MEGF11: variants seen among roughly 807,000 people sequenced by gnomAD.
The protein encoded by MEGF11 is multiple epidermal growth factor-like domains protein 11.
Under a neutral mutation model 146.6 loss-of-function variants are expected in MEGF11, and 126 were observed. That is an observed-to-expected ratio of 0.86 (90% CI 0.74 to 1.00). The LOEUF is 1.00. Among genes scored for constraint, MEGF11 ranks in the 50% least tolerant of loss-of-function variants. MEGF11 has a pLI of 0.00. For synonymous variants in MEGF11, 532 were observed against 583.4 expected (o/e 0.91, Z 1.27); for missense variants, 1,509 against 1,521.2 (o/e 0.99, Z 0.13).
intron 8 of MEGF11, among the ~76,000 whole-genome samples, chr15:65,966,362 G>A (rs1157780212): frequency 1.3e-5 from 2 of 152,202 alleles, no homozygotes. Context: ...TTAATTGCCA[G>A]TGTTTTTCAT....
chr15:65,931,928 C>T (rs1407480341), intron 10 of MEGF11, among the ~76,000 whole-genome samples: 2 of 152,194 alleles, frequency 1.3e-5, no homozygotes, highest in Non-Finnish European at 2.9e-5. Context: ...CTTAACTCTG[C>T]CAAGGTCACA....
chr15:65,941,125 G>A (rs936116979), intron 10 of MEGF11, among the ~76,000 whole-genome samples: 5 of 152,194 alleles, frequency 3.3e-5, no homozygotes, highest in African/African-American at 9.7e-5. Flanking sequence ...AAACATTTCA[G>A]AGAGATCTGG....
intron 8 of MEGF11, 131 bp from the exon 9 acceptor site, chr15:65,965,251 T>TC: frequency 1.5e-6 from 1 of 649,396 alleles, no homozygotes. Context: ...CACAGCCTCC[T>TC]CCCCTTTTCT....
intron 1 of MEGF11, among the ~76,000 whole-genome samples, chr15:66,186,271 A>G (rs971746702): frequency 2.6e-5 from 4 of 152,140 alleles, no homozygotes; most frequent in African/African-American, 9.7e-5. Context: ...GTGGCCCAGG[A>G]GGCTAGAGTT....
chr15:66,183,824 C>T (rs951280908), intron 1 of MEGF11, among the ~76,000 whole-genome samples: 4 of 152,110 alleles, frequency 2.6e-5, no homozygotes, highest in South Asian at 2.1e-4. Context: ...GATGCAGATG[C>T]CGCAGTCCCA....
intron 1 of MEGF11, among the ~76,000 whole-genome samples, chr15:66,248,849 G>A (rs1027174499): frequency 2.0e-5 from 3 of 152,212 alleles, no homozygotes; most frequent in East Asian, 1.9e-4. Flanking sequence ...GAACAGACAT[G>A]TTAAGCCTGC....
At chr15:65,984,170 A>G (rs2081761970) in intron 5 of MEGF11, among the ~76,000 whole-genome samples, 1 of 152,180 alleles carries the variant, frequency 6.6e-6, no homozygotes, top group Non-Finnish European at 1.5e-5. Context: ...TCCACCTGCT[A>G]TTACAGTGAG....
chr15:65,913,927 T>G lies in MEGF11; in HGVS notation c.2520A>C (p.Pro840=). The G allele has an allele frequency of 6.2e-7, 1 of 1,613,988 alleles. No individual in the cohort carries two copies. Among genetic ancestry groups the G allele is most frequent in the Non-Finnish European group, 8.5e-7 (1 of 1,179,880 alleles). ...EELNPYTKIS[P]ALGAERHSVG... ...CCGAGTGCCGCTCTGCACCCAGTGC[T>G]GGGCTGATCTTGGTGTAGGGATTCA... The change falls in exon 20 of 26, where the codon CCA becomes CCC. Residue 840 remains proline (P), a synonymous_variant. Transcript: ENST00000395614.
intron 1 of MEGF11, among the ~76,000 whole-genome samples, chr15:66,249,436 A>G (rs1468560686): frequency 6.6e-6 from 1 of 151,946 alleles, no homozygotes; most frequent in Non-Finnish European, 1.5e-5. Flanking sequence ...GCTATAATAA[A>G]CCCCCACAGA....
chr15:66,239,296 A>G (rs1310283577), intron 1 of MEGF11, among the ~76,000 whole-genome samples: 1 of 152,192 alleles, frequency 6.6e-6, no homozygotes, highest in African/African-American at 2.4e-5. Context: ...TTCTGGTATC[A>G]ACCCCCATCT....
At chr15:65,902,773 G>A (rs1011853214) in intron 24 of MEGF11, among the ~76,000 whole-genome samples, 1 of 152,300 alleles carries the variant, frequency 6.6e-6, no homozygotes, top group East Asian at 1.9e-4. Context: ...GTCTCATCTG[G>A]TTCCTGCCTC....
At chr15:65,968,567 CT>C (rs917215311) in intron 8 of MEGF11, among the ~76,000 whole-genome samples, 123 of 150,158 alleles carry the variant, frequency 8.2e-4, no homozygotes, top group Middle Eastern at 6.9e-3. Flanking sequence ...TAATCAGCCT[CT>C]TTTTTTTTTC....
At chr15:66,066,562 T>C (rs1365833543) in intron 5 of MEGF11, among the ~76,000 whole-genome samples, 7 of 152,244 alleles carry the variant, frequency 4.6e-5, no homozygotes. Flanking sequence ...TGGGTCCAAG[T>C]GGCCTGCGTC....
intron 5 of MEGF11, among the ~76,000 whole-genome samples, chr15:66,057,245 G>A (rs541183210): frequency 1.3e-4 from 20 of 152,250 alleles, no homozygotes; most frequent in Admixed American, 6.5e-4. Context: ...AGGGTAGGGC[G>A]TCGGGGAGGT....
chr15:66,018,039 G>A (rs538523083), intron 5 of MEGF11, among the ~76,000 whole-genome samples: 1 of 152,370 alleles, frequency 6.6e-6, no homozygotes, highest in East Asian at 1.9e-4. Flanking sequence ...GTGAATGTGA[G>A]AGGGAGCGGG....
intron 5 of MEGF11, among the ~76,000 whole-genome samples, chr15:66,040,644 G>T (rs1434733): frequency 6.6e-6 from 1 of 152,076 alleles, no homozygotes; most frequent in Non-Finnish European, 1.5e-5. Context: ...AGTGCTAAAT[G>T]GGGAGGGTGA....
intron 5 of MEGF11, among the ~76,000 whole-genome samples, chr15:66,027,324 C>A (rs28648385): frequency 0.018 from 2,739 of 152,362 alleles, 77 homozygotes; most frequent in African/African-American, 0.06. Context: ...TTATCACCCT[C>A]TTCTGAGGCA....
chr15:66,110,049 G>T (rs1231175879), intron 4 of MEGF11, among the ~76,000 whole-genome samples: 1 of 152,152 alleles, frequency 6.6e-6, no homozygotes, highest in Non-Finnish European at 1.5e-5. Context: ...GGGAGAGACA[G>T]GATGGTGGGT....
At chr15:66,181,781 G>C (rs1269689415) in intron 1 of MEGF11, among the ~76,000 whole-genome samples, 2 of 152,178 alleles carry the variant, frequency 1.3e-5, no homozygotes, top group African/African-American at 2.4e-5. Context: ...GAGGGGCGCT[G>C]TGTCTCTGCC....
Sources: allele counts gnomAD v4.1 joint callset (sites outside exome capture counted in the v4.1 genomes callset), GRCh38; gene constraint gnomAD v4.1.1; transcripts MANE v1.5; gene names NCBI Gene and HGNC (gene_info 2026-07-23, HGNC 2026-07-21).